Variants in CNTN6 observed in about 807,000 individuals in gnomAD.
CNTN6 encodes contactin 6, also known as contactin-6.
CNTN6 carries 137 observed loss-of-function variants against 122.8 expected under a neutral mutation model. The ratio of observed to expected loss-of-function variants is 1.12; its 90% CI spans 0.97 to 1.29. The LOEUF (loss-of-function observed/expected upper bound fraction) is 1.29, where lower values mean the gene tolerates loss of function less well. CNTN6 is among the 50% of genes most tolerant of loss of function. The pLI, the probability that CNTN6 is intolerant of heterozygous loss-of-function variation, is 0.00. For missense variants in CNTN6, 1,634 were observed against 1,223.4 expected (o/e 1.34, Z -5.01); for synonymous variants, 570 against 426.0 (o/e 1.34, Z -4.16).
At chr3:1,109,815 T>C (rs933090119) in intron 1 of CNTN6, among the ~76,000 whole-genome samples, 1 of 152,114 alleles carries the variant, frequency 6.6e-6, no homozygotes, top group Non-Finnish European at 1.5e-5. Flanking sequence ...TACAACCTTA[T>C]TAGCTTCTTG....
chr3:1,308,659 A>G (rs1206160626), intron 7 of CNTN6, among the ~76,000 whole-genome samples: 1 of 152,030 alleles, frequency 6.6e-6, no homozygotes, highest in African/African-American at 2.4e-5. Context: ...CCATTACCAC[A>G]TGGATCACTC....
At chr3:1,138,614 G>A (rs2092540032) in intron 1 of CNTN6, among the ~76,000 whole-genome samples, 1 of 151,512 alleles carries the variant, frequency 6.6e-6, no homozygotes, top group African/African-American at 2.4e-5. Flanking sequence ...ATTAAAAAAG[G>A]GTTTTTTCCT....
chr3:1,288,407 G>A (rs1694720276), intron 5 of CNTN6, among the ~76,000 whole-genome samples: 1 of 152,146 alleles, frequency 6.6e-6, no homozygotes. Flanking sequence ...TCCAGAAAAG[G>A]AATTATTCTT....
intron 17 of CNTN6, among the ~76,000 whole-genome samples, chr3:1,378,178 A>G (rs550737920): frequency 1.1e-4 from 17 of 152,258 alleles, no homozygotes; most frequent in Middle Eastern, 3.4e-3. Flanking sequence ...CTCAGCAGAC[A>G]CATACCCTGC....
chr3:1,270,825 G>A (rs912306955), intron 4 of CNTN6, among the ~76,000 whole-genome samples: 1 of 152,218 alleles, frequency 6.6e-6, no homozygotes, highest in African/African-American at 2.4e-5. Context: ...TCTAGATAGA[G>A]AGGCAGTATG....
intron 1 of CNTN6, among the ~76,000 whole-genome samples, chr3:1,118,929 A>T (rs148183327): frequency 6.6e-6 from 1 of 152,262 alleles, no homozygotes; most frequent in Non-Finnish European, 1.5e-5. Context: ...TTTATTTACA[A>T]ATGTAATCTC....
Position 1,187,431 on chromosome 3 carries a change from C to T in CNTN6, c.56-33256C>T, listed in dbSNP as rs560653437. On this transcript the variant is annotated intron_variant, in intron 2 of 22. Transcript: ENST00000446702. ...ATTTGATCTTTTGTAGAAAACATAGCGTCTTTATGTACACAGTTATAGGCC... is the reference window on the plus strand; with the variant it reads ...ATTTGATCTTTTGTAGAAAACATAGTGTCTTTATGTACACAGTTATAGGCC... Among the ~76,000 whole-genome samples, 4 of 152,194 alleles carry T rather than the reference C, an allele frequency of 2.6e-5. No homozygotes were observed. In the South Asian group the frequency reaches 8.3e-4, roughly 31 times the overall value.
chr3:1,119,352 T>TGTGTGTGTGTGG (rs1323991755), intron 1 of CNTN6, among the ~76,000 whole-genome samples: 1 of 150,734 alleles, frequency 6.6e-6, no homozygotes, highest in African/African-American at 2.4e-5. Flanking sequence ...TGTGTGTGTG[T>TGTGTGTGTGTGG]GGAGAATGTC....
intron 4 of CNTN6, among the ~76,000 whole-genome samples, chr3:1,249,107 A>G (rs1202526423): frequency 6.6e-6 from 1 of 152,188 alleles, no homozygotes; most frequent in Non-Finnish European, 1.5e-5. Flanking sequence ...TGGGTAGCAA[A>G]CAGTCTCAAA....
chr3:1,302,852 T>A (rs1230317731), intron 7 of CNTN6, among the ~76,000 whole-genome samples: 3 of 152,166 alleles, frequency 2.0e-5, no homozygotes, highest in Non-Finnish European at 4.4e-5. Flanking sequence ...CATTTATTTG[T>A]TTGTTTTTTT....
chr3:1,225,345 G>C (rs964180214), intron 3 of CNTN6, among the ~76,000 whole-genome samples: 1 of 152,104 alleles, frequency 6.6e-6, no homozygotes, highest in African/African-American at 2.4e-5. Flanking sequence ...TTGAACCCCT[G>C]ATCTATATGT....
At chr3:1,385,973 A>G (rs565912260) in intron 20 of CNTN6, among the ~76,000 whole-genome samples, 176 bp downstream of exon 20, 1 of 152,300 alleles carries the variant, frequency 6.6e-6, no homozygotes, top group African/African-American at 2.4e-5. Flanking sequence ...AATCAAGGTA[A>G]TTGTTTTCAT....
intron 1 of CNTN6, among the ~76,000 whole-genome samples, chr3:1,127,523 A>G (rs1574946911): frequency 6.6e-6 from 1 of 151,948 alleles, no homozygotes. Flanking sequence ...TTCTATAACA[A>G]TGAGATTCAG....
At chr3:1,330,005 G>A (rs1702077429) in intron 11 of CNTN6, 70 bp downstream of exon 11, 9 of 1,224,774 alleles carry the variant, frequency 7.3e-6, no homozygotes, top group South Asian at 2.1e-5. Flanking sequence ...TTAGGTTTTA[G>A]TAGGCCTTTC....
At chr3:1,352,097 T>C (rs574663215) in intron 11 of CNTN6, among the ~76,000 whole-genome samples, 2 of 151,918 alleles carry the variant, frequency 1.3e-5, no homozygotes, top group East Asian at 3.9e-4. Flanking sequence ...ATTCAAGTTA[T>C]AGAATGATAA....
At chr3:1,367,768 C>T (rs959793896) in intron 12 of CNTN6, among the ~76,000 whole-genome samples, 37 of 152,040 alleles carry the variant, frequency 2.4e-4, no homozygotes, top group African/African-American at 8.9e-4. Flanking sequence ...GGCATGGGCA[C>T]ATCAGAACCT....
At chr3:1,372,709 G>A (rs1709229753) in intron 13 of CNTN6, 129 bp from the exon 14 acceptor site, 3 of 688,356 alleles carry the variant, frequency 4.4e-6, no homozygotes, top group Admixed American at 2.6e-5. Context: ...TACAAGAAAT[G>A]ACAATGATAC....
chr3:1,178,892 T>C (rs1272879764), intron 2 of CNTN6, among the ~76,000 whole-genome samples: 1 of 152,156 alleles, frequency 6.6e-6, no homozygotes, highest in African/African-American at 2.4e-5. Context: ...TAGGGTAATC[T>C]CTTCACACTG....
chr3:1,332,624 A>T (rs1702481231), intron 11 of CNTN6, among the ~76,000 whole-genome samples: 1 of 151,926 alleles, frequency 6.6e-6, no homozygotes, highest in African/African-American at 2.4e-5. Context: ...TTTACTATAG[A>T]CGTGGTGTGA....
Sources: gnomAD v4.1 joint callset for allele counts (sites outside exome capture counted in the v4.1 genomes callset) on GRCh38, gnomAD v4.1.1 for gene constraint, MANE v1.5 for transcripts, NCBI Gene and HGNC (gene_info 2026-07-23, HGNC 2026-07-21) for gene names.